Variants in AK9 observed in about 807,000 individuals in gnomAD.
AK9 encodes adenylate kinase 9, also known as adenylate kinase domain containing 1.
Under a neutral mutation model 239.6 loss-of-function variants are expected in AK9, and 191 were observed. That is an observed-to-expected ratio of 0.80 (90% CI 0.71 to 0.90). The LOEUF (loss-of-function observed/expected upper bound fraction) is 0.90. Ranked by LOEUF, AK9 falls within the 40% of genes least tolerant of loss-of-function variation. The pLI is 0.00. For missense variants in AK9, 1,995 were observed against 2,214.7 expected (o/e 0.90, Z 1.99); for synonymous variants, 689 against 721.0 (o/e 0.96, Z 0.71).
In AK9 at chr6:109,515,946, A is replaced by G; in HGVS notation, c.3976T>C (p.Cys1326Arg). The G allele has an allele frequency of 6.4e-7, 1 of 1,551,734 alleles. No homozygotes were observed. The highest frequency in any genetic ancestry group is 8.7e-7 in the Non-Finnish European group (1 of 1,146,900). ...GCAAGGGGTGCTGGTATTGGATGAC[A>G]TTTCTCAAAAATGCTTGCACGATTT... ...VENRASIFEKCHPIPAPLAQK... is the reference protein window; with the variant it reads ...VENRASIFEKRHPIPAPLAQK... The change falls in exon 31 of 41, where the codon TGT becomes CGT. Residue 1326 changes from cysteine (C) to arginine (R), a missense_variant. By Grantham distance (180) the Cys-to-Arg change is radical. This residue lies in a region of AK9 where 1,290 missense variants were observed against 1,392.7 expected (regional missense o/e 0.93). Transcript: ENST00000424296.
At chr6:109,541,561 C>T (rs10080533) in intron 27 of AK9, among the ~76,000 whole-genome samples, 13,090 of 152,184 alleles carry the variant, frequency 0.086, 919 homozygotes, top group African/African-American at 0.19. Context: ...CAGGCATGTG[C>T]CACCACACCC....
rs891909576 is a variant in AK9 at position 109,546,013 on chromosome 6, G to C, written c.3079C>G (p.Gln1027Glu). 4 of 1,613,830 alleles carry C rather than the reference G, an allele frequency of 2.5e-6. No individual in the cohort carries two copies. The highest frequency in any genetic ancestry group is 3.4e-6 in the Non-Finnish European group (4 of 1,179,952). The change falls in exon 26 of 41, where the codon CAA becomes GAA. Residue 1027 changes from glutamine to glutamate, a missense_variant. Physicochemically the swap from Gln to Glu is conservative, Grantham distance 29. This residue lies in a region of AK9 where 1,290 missense variants were observed against 1,392.7 expected (regional missense o/e 0.93). Transcript: ENST00000424296. ...IFHIQFEEVL[Q>E]EKLLLKTEKK... is the part of the protein sequence containing the mutation. The stretch of plus-strand genomic sequence containing the variant: ...TCAGTTTTGAGTAGTAGTTTTTCTT[G>C]AAGAACTTCTTCAAACTGAATGTGA...
intron 20 of AK9, among the ~76,000 whole-genome samples, chr6:109,578,054 C>T (rs1314642054): frequency 6.6e-6 from 1 of 151,982 alleles, no homozygotes; most frequent in Non-Finnish European, 1.5e-5. Context: ...GCCTCAGCCT[C>T]CCAAGTAGCT....
At chr6:109,685,510 A>G (rs1334741132) in intron 1 of AK9, among the ~76,000 whole-genome samples, 1 of 151,958 alleles carries the variant, frequency 6.6e-6, no homozygotes, top group African/African-American at 2.4e-5. Context: ...GTTCTCACTC[A>G]TAAGTGGGAG....
At chr6:109,585,692 GA>G (rs939136659) in intron 18 of AK9, among the ~76,000 whole-genome samples, 12 of 152,004 alleles carry the variant, frequency 7.9e-5, no homozygotes, top group African/African-American at 2.9e-4. Flanking sequence ...AAGCTTTAAA[GA>G]AAAATTACAA....
intron 27 of AK9, among the ~76,000 whole-genome samples, chr6:109,534,856 T>A (rs1360569887): frequency 6.6e-6 from 1 of 151,728 alleles, no homozygotes; most frequent in Non-Finnish European, 1.5e-5. Flanking sequence ...ATATGCGGTG[T>A]TTGGTTTTTT....
intron 5 of AK9, among the ~76,000 whole-genome samples, chr6:109,667,295 CAAGTT>C (rs988779832): frequency 6.9e-5 from 7 of 102,038 alleles, no homozygotes; most frequent in African/African-American, 2.0e-4. Flanking sequence ...GCCCCCCACT[CAAGTT>C]GTTTTTTTTT....
rs143990771 is a variant in AK9, at chr6:109,559,462, C to T, written c.2751+4135G>A. ...GATTACAGGCGTGAGCCACTGTGCC[C>T]GGCCTGGTATATCTATCTGTCCATT... On this transcript the variant is annotated intron_variant, in intron 24 of 40. Transcript: ENST00000424296. Among the ~76,000 whole-genome samples the T allele has an allele frequency of 3.2e-3, 489 of 152,312 alleles. 2 individuals are homozygous for T. Among genetic ancestry groups the T allele is most frequent in the African/African-American group, 0.011 (455 of 41,564 alleles).
chr6:109,559,867 C>T (rs541898221), intron 24 of AK9, among the ~76,000 whole-genome samples: 15 of 152,284 alleles, frequency 9.9e-5, no homozygotes, highest in South Asian at 8.3e-4. Context: ...TATGGGGCTA[C>T]TGTGAATTTG....
chr6:109,499,356 C>A lies in AK9; in HGVS notation c.4850-116G>T, dbSNP rs1285376242. On this transcript the variant is annotated intron_variant, in intron 35 of 40. Transcript: ENST00000424296. ...ACTATACATACACATTATAAAATTCCAAACAATAGAGTAAAAAGTAAAAGT... is the reference window on the plus strand; with the variant it reads ...ACTATACATACACATTATAAAATTCAAAACAATAGAGTAAAAAGTAAAAGT... The A allele has an allele frequency of 1.3e-5, 10 of 789,666 alleles. No individual in the cohort carries two copies. In the East Asian group the frequency reaches 3.4e-4, roughly 27 times the overall value. 48.9% of individuals were successfully genotyped at this position (789,666 alleles called of 1,614,324 possible). A position where few individuals can be genotyped will look rare whatever the true frequency, so the allele number is the denominator to read the frequency against.
intron 20 of AK9, among the ~76,000 whole-genome samples, chr6:109,577,390 T>G (rs1299227983): frequency 6.6e-6 from 1 of 151,984 alleles, no homozygotes; most frequent in Admixed American, 6.6e-5. Flanking sequence ...ATTTAGTTAG[T>G]ATTTTGTTGA....
intron 17 of AK9, among the ~76,000 whole-genome samples, chr6:109,596,880 T>C (rs1180744316): frequency 1.3e-5 from 2 of 152,242 alleles, no homozygotes; most frequent in Non-Finnish European, 2.9e-5. Flanking sequence ...TGCTGGATCG[T>C]ACTGTAGTTC....
At chr6:109,569,328 T>C (rs1787055353) in intron 21 of AK9, among the ~76,000 whole-genome samples, 1 of 152,168 alleles carries the variant, frequency 6.6e-6, no homozygotes, top group African/African-American at 2.4e-5. Context: ...ATAAAAACCC[T>C]AGAAACAAAC....
chr6:109,601,287 T>A (rs1470166680), intron 17 of AK9, among the ~76,000 whole-genome samples: 1 of 152,172 alleles, frequency 6.6e-6, no homozygotes, highest in East Asian at 1.9e-4. Context: ...TCTTTGTTCT[T>A]GTTGGTTTCA....
Position 109,672,016 on chromosome 6 carries a change from C to T in AK9, c.235-1G>A. On this transcript the variant is annotated splice_acceptor_variant, in intron 4 of 40. Transcript: ENST00000424296. LOFTEE classifies it high-confidence loss of function. ...GACCGCTGATCAACATTGATTGCAA[C>T]TAAGGACAAGCATAGATATTGTACA... 2 of 1,613,828 alleles carry T rather than the reference C, an allele frequency of 1.2e-6. No individual in the cohort carries two copies. Among genetic ancestry groups the T allele is most frequent in the Non-Finnish European group, 1.7e-6 (2 of 1,179,872 alleles).
At chr6:109,601,963 G>T (rs1192260488) in intron 17 of AK9, among the ~76,000 whole-genome samples, 4 of 151,978 alleles carry the variant, frequency 2.6e-5, no homozygotes, top group African/African-American at 7.3e-5. Flanking sequence ...TTAAGCTTAT[G>T]TGTGTGTCTG....
intron 1 of AK9, among the ~76,000 whole-genome samples, chr6:109,684,649 C>T (rs1375437570): frequency 2.1e-4 from 32 of 149,316 alleles, no homozygotes; most frequent in African/African-American, 7.5e-4. Context: ...CCGAGGCGGG[C>T]GGATCACGAG....
At chr6:109,612,228 C>G in intron 15 of AK9, 135 bp from the exon 16 acceptor site, 1 of 578,152 alleles carries the variant, frequency 1.7e-6, no homozygotes, top group South Asian at 2.4e-5. Context: ...ACAACCCTAA[C>G]ATTTAAATGG....
intron 29 of AK9, among the ~76,000 whole-genome samples, chr6:109,525,892 C>T (rs1780448532): frequency 6.6e-6 from 1 of 152,176 alleles, no homozygotes; most frequent in East Asian, 1.9e-4. Context: ...AACCTAGATG[C>T]CCATTAATGG....
Sources: gnomAD v4.1 joint callset for allele counts (sites outside exome capture counted in the v4.1 genomes callset) on GRCh38, gnomAD v4.1.1 for gene constraint, gnomAD v4.1.1 regional missense constraint, MANE v1.5 for transcripts, NCBI Gene and HGNC (gene_info 2026-07-23, HGNC 2026-07-21) for gene names.